The following CDH12 variants were observed in gnomAD, a reference collection of about 807,000 sequenced individuals.
CDH12 encodes cadherin 12.
In CDH12, 41 loss-of-function variants were observed where a neutral mutation model predicts 74.1. The ratio of observed to expected loss-of-function variants is 0.55; its 90% CI spans 0.43 to 0.72. The LOEUF is 0.72. Ranked by LOEUF, CDH12 falls within the 30% of genes least tolerant of loss-of-function variation. The probability of loss-of-function intolerance (pLI) is 0.00; values close to 1 mark genes in which losing one functional copy is unlikely to be tolerated. For synonymous variants in CDH12, 399 were observed against 355.0 expected, an observed-to-expected ratio of 1.12 and a Z score of -1.39; for missense variants, 945 against 977.2, an observed-to-expected ratio of 0.97 and a Z score of 0.44.
intron 6 of CDH12, among the ~76,000 whole-genome samples, chr5:21,880,671 C>CTTT (rs1369998320): frequency 1.2e-3 from 141 of 120,298 alleles, no homozygotes; most frequent in Non-Finnish European, 2.1e-3. Context: ...TTCTTTCTTT[C>CTTT]TTTCTTTCTT....
chr5:22,505,946 A>G (rs1259589056), intron 1 of CDH12, among the ~76,000 whole-genome samples: 2 of 152,120 alleles, frequency 1.3e-5, no homozygotes, highest in South Asian at 4.1e-4. Flanking sequence ...AGTATGACTT[A>G]TTACTGTTGA....
At chr5:22,442,540 T>C (rs1349238429) in intron 2 of CDH12, among the ~76,000 whole-genome samples, 1 of 152,192 alleles carries the variant, frequency 6.6e-6, no homozygotes. Flanking sequence ...CTATGAGACA[T>C]AGATCGAACT....
At position 22,529,182 on chromosome 5, in the gene CDH12, TATATATAGAG is replaced by T. The variant is rs1375242565; in HGVS notation, c.-522-23828_-522-23819del. Among the ~76,000 whole-genome samples the T allele has an allele frequency of 5.4e-4, 52 of 96,782 alleles. 3 individuals are homozygous for T. Among genetic ancestry groups the T allele is most frequent in the South Asian group, 2.0e-3 (6 of 2,948 alleles). 63.5% of individuals were successfully genotyped at this position (96,782 alleles called of 152,430 possible). Reference sequence around the variant, plus strand: ...ACACATGTGTATATATATATATATATATATATAGAGAGAGAGAGAGAGAGAGAGAGAGAGA... The same window carrying T: ...ACACATGTGTATATATATATATATATAGAGAGAGAGAGAGAGAGAGAGAGA... On this transcript the variant is annotated intron_variant, in intron 1 of 14. Coordinates refer to ENST00000382254, the MANE Select transcript of CDH12 (RefSeq NM_004061.5).
intron 4 of CDH12, among the ~76,000 whole-genome samples, chr5:22,096,109 C>T (rs1743765906): frequency 6.6e-6 from 1 of 151,964 alleles, no homozygotes; most frequent in Admixed American, 6.6e-5. Flanking sequence ...TTCATTCCTC[C>T]TTCTCCCTTA....
At chr5:22,442,377 A>G (rs1580654224) in intron 2 of CDH12, among the ~76,000 whole-genome samples, 1 of 152,136 alleles carries the variant, frequency 6.6e-6, no homozygotes. Flanking sequence ...TGGTGGTGGG[A>G]GCCTGTAGTC....
At chr5:21,781,767 C>A (rs1258295286) in intron 11 of CDH12, among the ~76,000 whole-genome samples, 2 of 150,636 alleles carry the variant, frequency 1.3e-5, no homozygotes, top group Non-Finnish European at 3.0e-5. Flanking sequence ...TATATTGGCA[C>A]TATATTCATA....
intron 6 of CDH12, among the ~76,000 whole-genome samples, chr5:21,922,397 T>C (rs1754393458): frequency 6.6e-6 from 1 of 152,148 alleles, no homozygotes; most frequent in South Asian, 2.1e-4. Context: ...TGGCTAAAAT[T>C]ATTTCCTTTA....
intron 4 of CDH12, among the ~76,000 whole-genome samples, chr5:22,211,930 T>G (rs553442098): frequency 3.3e-5 from 5 of 152,264 alleles, no homozygotes; most frequent in South Asian, 4.1e-4. Context: ...AATGGTACAA[T>G]AAGTCTTCTA....
chr5:22,730,027 A>G (rs1744353505), intron 1 of CDH12, among the ~76,000 whole-genome samples: 1 of 151,894 alleles, frequency 6.6e-6, no homozygotes. Context: ...TAATGTGTTT[A>G]TATTACAAAA....
intron 1 of CDH12, among the ~76,000 whole-genome samples, chr5:22,772,624 A>C (rs537984801): frequency 6.6e-6 from 1 of 152,126 alleles, no homozygotes; most frequent in Admixed American, 6.6e-5. Context: ...CAAGTTGCAC[A>C]TATTTCTGTT....
chr5:21,975,363 C>T lies in CDH12; in HGVS notation c.254G>A (p.Gly85Glu), dbSNP rs1757024550. The T allele has an allele frequency of 6.3e-7, 1 of 1,595,008 alleles. No homozygotes were observed. The highest frequency in any genetic ancestry group is 8.5e-7 in the Non-Finnish European group (1 of 1,178,896). The change falls in exon 6 of 15, where the codon GGA becomes GAA. Residue 85 changes from glycine (G) to glutamate (E), a missense_variant. Physicochemically the swap from Gly to Glu is moderately conservative, Grantham distance 98. Coordinates refer to ENST00000382254, the MANE Select transcript of CDH12 (RefSeq NM_004061.5). ...VGKLHSDLDK[G>E]EGTVKYTLSG... ...GAGGGTGTATTTCACAGTGCCCTCT[C>T]CCTTGTCTAAGTCGGAATGGAGCTT...
At chr5:22,014,823 C>T (rs893201313) in intron 5 of CDH12, among the ~76,000 whole-genome samples, 4 of 152,088 alleles carry the variant, frequency 2.6e-5, no homozygotes, top group Admixed American at 6.6e-5. Context: ...CACTGTACAA[C>T]TCTAAAAACA....
In CDH12 at chr5:22,421,364, T is replaced by G. The variant is rs2940567; in HGVS notation, c.-427-16013A>C. Reference sequence around the variant, plus strand: ...ACCTGCACTCCCTGACAGGCCCCAGTATGTGATGTTCCCTTCCCTGTGTCC... The same window carrying G: ...ACCTGCACTCCCTGACAGGCCCCAGGATGTGATGTTCCCTTCCCTGTGTCC... On this transcript the variant is annotated intron_variant, in intron 2 of 14. Transcript: ENST00000382254. Among the ~76,000 whole-genome samples, 967 of 152,166 alleles carry G rather than the reference T, an allele frequency of 6.4e-3. 15 individuals are homozygous for G. Among genetic ancestry groups the G allele is most frequent in the African/African-American group, 0.022 (928 of 41,508 alleles).
rs369974617 is a variant in CDH12 at position 22,427,085 on chromosome 5, T to G, written c.-427-21734A>C. 9.2e-5 allele frequency among the ~76,000 whole-genome samples: 14 copies of G among 152,148 alleles called. No homozygotes were observed. The East Asian group carries it at 1.9e-3, about 21-fold the overall frequency. On this transcript the variant is annotated intron_variant, in intron 2 of 14. Coordinates refer to ENST00000382254, the MANE Select transcript of CDH12 (RefSeq NM_004061.5). ...CTTTTTGCCTCCTCTTCTTTCCTCTTTTAGAGATGGATATCTGGATAAGTG... is the reference window on the plus strand; with the variant it reads ...CTTTTTGCCTCCTCTTCTTTCCTCTGTTAGAGATGGATATCTGGATAAGTG...
At chr5:22,733,419 C>T (rs1744531733) in intron 1 of CDH12, among the ~76,000 whole-genome samples, 1 of 150,994 alleles carries the variant, frequency 6.6e-6, no homozygotes, top group African/African-American at 2.4e-5. Context: ...CGAAATTAAA[C>T]TGTCATTTTC....
At chr5:22,066,835 C>T (rs952355667) in intron 5 of CDH12, among the ~76,000 whole-genome samples, 2 of 152,194 alleles carry the variant, frequency 1.3e-5, no homozygotes, top group African/African-American at 4.8e-5. Flanking sequence ...GTAACTAACA[C>T]AGATGGATCT....
chr5:22,404,522 T>C (rs1451504178), intron 3 of CDH12, among the ~76,000 whole-genome samples: 1 of 152,172 alleles, frequency 6.6e-6, no homozygotes, highest in Non-Finnish European at 1.5e-5. Context: ...GATATTAATG[T>C]GTAGAAAAAT....
intron 1 of CDH12, among the ~76,000 whole-genome samples, chr5:22,827,603 C>A (rs1736405289): frequency 6.6e-6 from 1 of 152,198 alleles, no homozygotes. Context: ...AGTCTGCCCA[C>A]TGAGGCCAGG....
At chr5:22,237,612 A>G (rs1304246681) in intron 3 of CDH12, among the ~76,000 whole-genome samples, 5 of 151,928 alleles carry the variant, frequency 3.3e-5, no homozygotes, top group Non-Finnish European at 7.3e-5. Context: ...ACTAGGAGAA[A>G]TAAAGGTTTG....
Sources: gnomAD v4.1 joint callset for allele counts (sites outside exome capture counted in the v4.1 genomes callset) on GRCh38, gnomAD v4.1.1 for gene constraint, MANE v1.5 for transcripts, NCBI Gene and HGNC (gene_info 2026-07-23, HGNC 2026-07-21) for gene names.